Variants in TSC22D1 observed in about 807,000 individuals in gnomAD.
The protein encoded by TSC22D1 is TSC22 domain family member 1.
A neutral mutation model predicts 74.2 loss-of-function variants in TSC22D1; 9 were observed. The observed-to-expected ratio is 0.12, with a 90% CI of 0.07 to 0.21. The LOEUF (loss-of-function observed/expected upper bound fraction) is 0.21, where lower values mean the gene tolerates loss of function less well. Ranked by LOEUF, TSC22D1 falls within the 10% of genes least tolerant of loss-of-function variation. The pLI is 1.00. For synonymous variants in TSC22D1, 586 were observed against 492.5 expected, an observed-to-expected ratio of 1.19 and a Z score of -2.51; for missense variants, 1,427 against 1,304.7, an observed-to-expected ratio of 1.09 and a Z score of -1.44.
intron 1 of TSC22D1, among the ~76,000 whole-genome samples, chr13:44,523,486 A>G (rs1880409106): frequency 1.3e-5 from 2 of 152,210 alleles, no homozygotes; most frequent in Admixed American, 1.3e-4. Context: ...GACATGAAAA[A>G]AACTTTCATA....
At chr13:44,567,048 G>A (rs1041235451) in intron 1 of TSC22D1, among the ~76,000 whole-genome samples, 1 of 152,162 alleles carries the variant, frequency 6.6e-6, no homozygotes, top group Non-Finnish European at 1.5e-5. Flanking sequence ...ATTGTCTGAA[G>A]AAGGTAAAAC....
chr13:44,452,927 TC>T (rs1876265321), intron 1 of TSC22D1: 1 of 152,344 alleles, frequency 6.6e-6, no homozygotes, highest in Non-Finnish European at 1.5e-5. Context: ...ACAGTTCACC[TC>T]CCCTGTTTCG....
intron 1 of TSC22D1, among the ~76,000 whole-genome samples, chr13:44,491,319 C>T (rs1246885589): frequency 6.6e-6 from 1 of 152,052 alleles, no homozygotes; most frequent in Admixed American, 6.5e-5. Context: ...TTTGGGAGGC[C>T]AAGGCGGGTG....
At chr13:44,532,081 A>G (rs1483877380) in intron 1 of TSC22D1, among the ~76,000 whole-genome samples, 1 of 152,234 alleles carries the variant, frequency 6.6e-6, no homozygotes, top group Non-Finnish European at 1.5e-5. Context: ...AATTTAATAT[A>G]CAATTTAAAG....
chr13:44,435,889 G>T, intron 2 of TSC22D1, 155 bp downstream of exon 2: 1 of 790,724 alleles, frequency 1.3e-6, no homozygotes, highest in Middle Eastern at 2.2e-4. Flanking sequence ...GTGGTAGGTG[G>T]CTCCACGCTG....
intron 1 of TSC22D1, among the ~76,000 whole-genome samples, chr13:44,552,703 G>T (rs1259550738): frequency 9.9e-5 from 15 of 152,134 alleles, no homozygotes; most frequent in Non-Finnish European, 2.9e-5. Flanking sequence ...AAAATAAGGT[G>T]GTAGGCCGGG....
intron 1 of TSC22D1, among the ~76,000 whole-genome samples, chr13:44,529,763 T>C (rs1404994587): frequency 1.3e-5 from 2 of 152,144 alleles, no homozygotes; most frequent in African/African-American, 2.4e-5. Flanking sequence ...ACAAGTCAAT[T>C]GCTTTCCCAT....
intron 1 of TSC22D1, chr13:44,516,318 G>C: frequency 2.1e-6 from 1 of 474,022 alleles, no homozygotes. Context: ...TCTACCACAG[G>C]TTACCTCCCT....
At chr13:44,487,381 C>T (rs1011101438) in intron 1 of TSC22D1, among the ~76,000 whole-genome samples, 6 of 151,274 alleles carry the variant, frequency 4.0e-5, no homozygotes, top group Admixed American at 2.0e-4. Flanking sequence ...CACCTGTAAC[C>T]CCAGCTACTG....
At chr13:44,469,563 A>G (rs1877481492) in intron 1 of TSC22D1, among the ~76,000 whole-genome samples, 1 of 152,112 alleles carries the variant, frequency 6.6e-6, no homozygotes, top group Non-Finnish European at 1.5e-5. Flanking sequence ...ATGTCCAATT[A>G]CTCAAAAACT....
chr13:44,517,333 A>AACACACACACACACAC (rs3046042), intron 1 of TSC22D1, among the ~76,000 whole-genome samples: 1 of 148,692 alleles, frequency 6.7e-6, no homozygotes, highest in African/African-American at 2.5e-5. Context: ...ACAAAAACAA[A>AACACACACACACACAC]ACACACACAC....
Position 44,575,959 on chromosome 13 carries a change from G to C in TSC22D1, c.116C>G (p.Ser39Cys). The change falls in exon 1 of 3, where the codon TCT (serine) becomes TGT (cysteine). Residue 39 changes from serine (S) to cysteine (C), a missense_variant. Physicochemically the swap from Ser to Cys is moderately radical, Grantham distance 112. Coordinates refer to ENST00000458659, the MANE Select transcript of TSC22D1 (RefSeq NM_183422.4). ...GCCGGTACCTGCTGCATTGAGAGCAGAGGCGCTGCCACTACCGCTGCCCCT... is the reference window on the plus strand; with the variant it reads ...GCCGGTACCTGCTGCATTGAGAGCACAGGCGCTGCCACTACCGCTGCCCCT... ...PRRGSGSGSA[S>C]ALNAAGTGVG... The C allele has an allele frequency of 6.2e-7, 1 of 1,607,798 alleles. No individual in the cohort carries two copies. Among genetic ancestry groups the C allele is most frequent in the African/African-American group, 1.3e-5 (1 of 74,952 alleles).
chr13:44,554,850 T>A (rs1393784116), intron 1 of TSC22D1, among the ~76,000 whole-genome samples: 1 of 152,150 alleles, frequency 6.6e-6, no homozygotes, highest in African/African-American at 2.4e-5. Flanking sequence ...CTCCTTCTAA[T>A]GGTCTTCAAC....
intron 1 of TSC22D1, among the ~76,000 whole-genome samples, chr13:44,495,178 G>A (rs1185409938): frequency 6.6e-6 from 1 of 150,530 alleles, no homozygotes; most frequent in Non-Finnish European, 1.5e-5. Flanking sequence ...GACAGAAAAG[G>A]AAAGAATTAT....
intron 1 of TSC22D1, among the ~76,000 whole-genome samples, chr13:44,551,834 G>A (rs944453512): frequency 1.3e-5 from 2 of 152,156 alleles, no homozygotes; most frequent in African/African-American, 4.8e-5. Context: ...TCAGGTGTTC[G>A]AGGCTGCAGT....
Position 44,435,880 on chromosome 13 carries a change from T to TGGTA in TSC22D1, c.2964+160_2964+163dup, listed in dbSNP as rs1180131371. On this transcript the variant is annotated intron_variant, in intron 2 of 2. Transcript: ENST00000458659. ...CCCCTTTCTCCCTCCACGGCTGCCGTGGTAGGTGGCTCCACGCTGGCCGAA... is the reference window on the plus strand; with the variant it reads ...CCCCTTTCTCCCTCCACGGCTGCCGTGGTAGGTAGGTGGCTCCACGCTGGCCGAA... 3 of 736,876 alleles carry TGGTA rather than the reference T, an allele frequency of 4.1e-6. No homozygotes were observed. In the African/African-American group the frequency reaches 5.3e-5, roughly 13 times the overall value. 45.6% of individuals were successfully genotyped at this position (736,876 alleles called of 1,614,324 possible).
At position 44,454,712 on chromosome 13, in the gene TSC22D1, T is replaced by C. The variant is rs75167651; in HGVS notation, c.2913-18617A>G. Among the ~76,000 whole-genome samples, 165 of 152,316 alleles carry C rather than the reference T, an allele frequency of 1.1e-3. 4 individuals are homozygous for C. In the East Asian group the frequency reaches 0.029, roughly 27 times the overall value. On this transcript the variant is annotated intron_variant, in intron 1 of 2. Transcript: ENST00000458659. ...TTATGTATATTACCTCATTTAATCC[T>C]TTAAATAACCACCTCATCTAGGTAC...
intron 1 of TSC22D1, among the ~76,000 whole-genome samples, chr13:44,531,129 A>C (rs1880813206): frequency 6.6e-6 from 1 of 152,226 alleles, no homozygotes; most frequent in South Asian, 2.1e-4. Flanking sequence ...ACTTTAATTA[A>C]TAATTGATCA....
intron 1 of TSC22D1, among the ~76,000 whole-genome samples, chr13:44,564,513 A>G (rs771893403): frequency 1.3e-5 from 2 of 152,214 alleles, no homozygotes; most frequent in African/African-American, 2.4e-5. Flanking sequence ...TTCAGGCTAA[A>G]ATAACAGCAT....
Sources: allele counts gnomAD v4.1 joint callset (sites outside exome capture counted in the v4.1 genomes callset), GRCh38; gene constraint gnomAD v4.1.1; transcripts MANE v1.5; gene names NCBI Gene and HGNC (gene_info 2026-07-23, HGNC 2026-07-21).